Variants in DIXDC1 observed in about 807,000 individuals in gnomAD.
The protein encoded by DIXDC1 is dixin.
In DIXDC1, 64 loss-of-function variants were observed where a neutral mutation model predicts 103.1. That is an observed-to-expected ratio of 0.62 (90% CI 0.51 to 0.76). The LOEUF is 0.76. DIXDC1 is among the 30% of genes least tolerant of loss of function. The pLI, the probability that DIXDC1 is intolerant of heterozygous loss-of-function variation, is 0.00. For synonymous variants in DIXDC1, 266 were observed against 298.5 expected, an observed-to-expected ratio of 0.89 and a Z score of 1.12; for missense variants, 759 against 834.2, an observed-to-expected ratio of 0.91 and a Z score of 1.11.
chr11:112,021,261 C>T lies in DIXDC1; in HGVS notation c.*2225C>T, dbSNP rs782739902. 2.0e-5 allele frequency: 3 copies of T among 152,152 alleles called. No homozygotes were observed. Among genetic ancestry groups the T allele is most frequent in the Admixed American group, 6.5e-5 (1 of 15,272 alleles). The allele number at this position is 152,152 out of a possible 1,614,324, so 9.4% of individuals were successfully genotyped here. On this transcript the variant is annotated 3_prime_UTR_variant, in exon 20 of 20. Transcript: ENST00000440460. ...TGAGTTCATGGGAGAACATTAAGAT[C>T]GTTTTTTTTCCCTTTTAGCTCGGTA...
At chr11:111,997,803 A>C (rs1227089619) in intron 17 of DIXDC1, among the ~76,000 whole-genome samples, 1 of 152,226 alleles carries the variant, frequency 6.6e-6, no homozygotes, top group Non-Finnish European at 1.5e-5. Flanking sequence ...TAGCTGCTTG[A>C]AAACTAAGAT....
chr11:111,933,337 A>G (rs1966091117), upstream of DIXDC1, among the ~76,000 whole-genome samples: 2 of 152,200 alleles, frequency 1.3e-5, no homozygotes, highest in Non-Finnish European at 2.9e-5. Flanking sequence ...CATGTTGGTC[A>G]GGCTGGTCTC....
chr11:111,937,007 A>ATGTGTGTATGTGTGTGTG (rs1555168174), upstream of DIXDC1, among the ~76,000 whole-genome samples: 1 of 146,830 alleles, frequency 6.8e-6, no homozygotes, highest in African/African-American at 2.5e-5. Context: ...GTATGTGTGT[A>ATGTGTGTATGTGTGTGTG]TGTGTGTATG....
chr11:112,007,183 G>A (rs374277649), intron 17 of DIXDC1, among the ~76,000 whole-genome samples: 1 of 152,132 alleles, frequency 6.6e-6, no homozygotes, highest in African/African-American at 2.4e-5. Context: ...TAGCCAATGC[G>A]ATCAAGTGGA....
rs143774662 is a variant in DIXDC1, at chr11:111,951,200, C to G, written c.61-13349C>G. Among the ~76,000 whole-genome samples, 67 of 152,042 alleles carry G rather than the reference C, an allele frequency of 4.4e-4. 1 individual carries two copies. In the East Asian group the frequency reaches 0.013, roughly 29 times the overall value. On this transcript the variant is annotated intron_variant, in intron 1 of 19. Coordinates refer to ENST00000440460, the MANE Select transcript of DIXDC1 (RefSeq NM_001037954.4). ...AATTTCTTAGGTAAATACTGATTAC[C>G]AAAATTGATAGAAAATGGAAGTTTA... is the stretch of plus-strand genomic sequence containing the variant.
Position 111,976,924 on chromosome 11 carries a change from C to T in DIXDC1, c.656+1941C>T, listed in dbSNP as rs1315146681. 6.6e-6 allele frequency: 1 copy of T among 152,660 alleles called. No homozygotes were observed. Among genetic ancestry groups the T allele is most frequent in the Non-Finnish European group, 1.5e-5 (1 of 68,138 alleles). 9.5% of individuals were successfully genotyped at this position (152,660 alleles called of 1,614,324 possible). A position where few individuals can be genotyped will look rare whatever the true frequency, so the allele number is the denominator to read the frequency against. On this transcript the variant is annotated intron_variant, in intron 5 of 19. Transcript: ENST00000440460. This position sits in a 1 kb window ranked among gnomAD's most constrained non-coding sequence, Gnocchi z 4.3. ...TCCTGGGGAGCGTCAGAGTCTCCAC[C>T]CCGAGGAGCGGCCAGAGCCCCATGC...
intron 1 of DIXDC1, among the ~76,000 whole-genome samples, chr11:111,944,054 G>A (rs1284579474): frequency 2.0e-5 from 3 of 152,212 alleles, no homozygotes; most frequent in Non-Finnish European, 4.4e-5. Context: ...ACAATAGGGT[G>A]TTTACTGGCA....
intron 8 of DIXDC1, among the ~76,000 whole-genome samples, chr11:111,985,654 AT>A (rs1201605974): frequency 6.6e-6 from 1 of 152,004 alleles, no homozygotes; most frequent in African/African-American, 2.4e-5. Flanking sequence ...GTTCCTCAGC[AT>A]TCCAGTCTAG....
chr11:111,989,916 G>A (rs2137572133), intron 10 of DIXDC1, among the ~76,000 whole-genome samples: 1 of 149,518 alleles, frequency 6.7e-6, no homozygotes, highest in African/African-American at 2.5e-5. Flanking sequence ...AGCCTCCCAA[G>A]TAGCTGGGTC....
Position 111,996,089 on chromosome 11 carries a change from A to C in DIXDC1, c.1699A>C (p.Lys567Gln). The C allele has an allele frequency of 1.2e-6, 2 of 1,613,636 alleles. No individual in the cohort carries two copies. The highest frequency in any genetic ancestry group is 2.2e-5 in the South Asian group (2 of 90,978). Residue 567 changes from lysine (K) to glutamine (Q), a missense_variant, in exon 17 of 20, where the codon AAG becomes CAG. Physicochemically the swap from Lys to Gln is moderately conservative, Grantham distance 53. Around this residue, in one of 3 missense-constraint regions of DIXDC1, gnomAD observed 657 missense variants for 727.5 expected, o/e 0.90. Transcript: ENST00000440460. ...TTGTGTGGCTCCCCAGGTTCGGGTC[A>C]AGTCACCCAGAACTCAAGTAGGTAG... ...QKKQERKVRV[K>Q]SPRTQVGSEY...
chr11:111,995,934 G>T (rs1422516588), intron 16 of DIXDC1, 146 bp from the exon 17 acceptor site: 1 of 757,434 alleles, frequency 1.3e-6, no homozygotes, highest in East Asian at 2.8e-5. Context: ...TATTATTATT[G>T]TTAGGATAAA....
rs146284290 is a variant in DIXDC1 at position 111,994,601 on chromosome 11, T to G, written c.1438-418T>G. 2.6e-3 allele frequency among the ~76,000 whole-genome samples: 380 copies of G among 147,368 alleles called. 10 individuals are homozygous for G. In the East Asian group the frequency reaches 0.067, roughly 26 times the overall value. On this transcript the variant is annotated intron_variant, in intron 14 of 19. Coordinates refer to ENST00000440460, the MANE Select transcript of DIXDC1 (RefSeq NM_001037954.4). The stretch of plus-strand genomic sequence containing the variant: ...TATGTGTATATTATGTATGTATATG[T>G]ATGTATGTATATGTATGTGTATATA...
intron 17 of DIXDC1, among the ~76,000 whole-genome samples, chr11:112,013,316 G>A (rs1299150449): frequency 8.0e-6 from 1 of 124,710 alleles, no homozygotes; most frequent in African/African-American, 3.5e-5. Context: ...TGACGGGTCG[G>A]GGGGTGGGGG....
At chr11:111,937,007 ATGTG>A (rs1321066228), upstream of DIXDC1, among the ~76,000 whole-genome samples, 1 of 146,830 alleles carries the variant, frequency 6.8e-6, no homozygotes, top group East Asian at 2.1e-4. Context: ...GTATGTGTGT[ATGTG>A]TGTATGTGTG....
rs782409767 is a variant in DIXDC1, at chr11:111,985,331, A to G, written c.1008+10A>G. ...TCCCGAGGAACAACTGGTGAGCTCCATCTTTTGTGATTGGACACTAAATCT... is the reference window on the plus strand; with the variant it reads ...TCCCGAGGAACAACTGGTGAGCTCCGTCTTTTGTGATTGGACACTAAATCT... On this transcript the variant is annotated intron_variant, in intron 8 of 19. Transcript: ENST00000440460. 3.7e-6 allele frequency: 6 copies of G among 1,605,070 alleles called. No individual in the cohort carries two copies. The highest frequency in any genetic ancestry group is 4.3e-6 in the Non-Finnish European group (5 of 1,174,280).
intron 1 of DIXDC1, among the ~76,000 whole-genome samples, chr11:111,964,256 G>A (rs1859657990): frequency 6.6e-6 from 1 of 152,214 alleles, no homozygotes; most frequent in African/African-American, 2.4e-5. Flanking sequence ...AAAACTTGAG[G>A]AAAGCAAGAG....
chr11:111,983,430 C>T (rs192843420), intron 7 of DIXDC1, among the ~76,000 whole-genome samples: 2 of 152,260 alleles, frequency 1.3e-5, no homozygotes, highest in Admixed American at 6.5e-5. Context: ...ATGTTGCCTG[C>T]GTAAACATTC....
Position 112,019,162 on chromosome 11 carries a change from C to A in DIXDC1, c.*126C>A. The A allele has an allele frequency of 1.4e-6, 1 of 724,232 alleles. No individual in the cohort carries two copies. The highest frequency in any genetic ancestry group is 1.9e-5 in the South Asian group (1 of 52,788). The allele number at this position is 724,232 out of a possible 1,614,324, so 44.9% of individuals were successfully genotyped here. On this transcript the variant is annotated 3_prime_UTR_variant, in exon 20 of 20. Coordinates refer to ENST00000440460, the MANE Select transcript of DIXDC1 (RefSeq NM_001037954.4). ...TTGTGTGCCAAAACAGAAGCTTCTC[C>A]AAGCATGATGGCCACAGGTCAGTCC... is the stretch of plus-strand genomic sequence containing the variant.
chr11:111,992,758 CAG>C (rs1280458616), intron 11 of DIXDC1, among the ~76,000 whole-genome samples, 191 bp from the exon 12 acceptor site: 4 of 152,208 alleles, frequency 2.6e-5, no homozygotes, highest in African/African-American at 7.2e-5. Context: ...CACTGAGATA[CAG>C]AGGCAAAATT....
Sources: allele counts gnomAD v4.1 joint callset (sites outside exome capture counted in the v4.1 genomes callset), GRCh38; gene constraint gnomAD v4.1.1; regional missense constraint gnomAD v4.1.1; non-coding constraint Gnocchi (gnomAD v3.1); transcripts MANE v1.5; gene names NCBI Gene and HGNC (gene_info 2026-07-23, HGNC 2026-07-21).